The following PDE4D variants were observed in gnomAD, a reference collection of about 807,000 sequenced individuals.
The protein encoded by PDE4D is 3',5'-cyclic-AMP phosphodiesterase 4D.
Under a neutral mutation model 87.4 loss-of-function variants are expected in PDE4D, and 24 were observed. The observed-to-expected ratio is 0.27, with a 90% confidence interval of 0.20 to 0.39. The LOEUF is 0.39. Among genes scored for constraint, PDE4D ranks in the 10% least tolerant of loss-of-function variants. The pLI, the probability that PDE4D is intolerant of heterozygous loss-of-function variation, is 1.00. For synonymous variants in PDE4D, 384 were observed against 383.2 expected, an observed-to-expected ratio of 1.00 and a Z score of -0.02; for missense variants, 714 against 1,041.0, an observed-to-expected ratio of 0.69 and a Z score of 4.32.
intron 1 of PDE4D, among the ~76,000 whole-genome samples, chr5:60,253,784 G>A (rs1431546979): frequency 1.3e-5 from 2 of 151,850 alleles, no homozygotes; most frequent in Non-Finnish European, 2.9e-5. Context: ...GGAGCTAAAT[G>A]TCTTCACAGC....
chr5:59,167,582 T>C (rs1782103535), intron 5 of PDE4D, among the ~76,000 whole-genome samples: 1 of 152,240 alleles, frequency 6.6e-6, no homozygotes, highest in Non-Finnish European at 1.5e-5. Flanking sequence ...TTTCAGTCTC[T>C]AAGCTAACAC....
intron 1 of PDE4D, among the ~76,000 whole-genome samples, chr5:60,218,655 T>C (rs1744143677): frequency 6.6e-6 from 1 of 152,076 alleles, no homozygotes; most frequent in African/African-American, 2.4e-5. Context: ...GACTGTGAAG[T>C]CCACATTTCT....
At chr5:59,615,297 G>A (rs1414207650) in intron 1 of PDE4D, among the ~76,000 whole-genome samples, 1 of 152,288 alleles carries the variant, frequency 6.6e-6, no homozygotes, top group African/African-American at 2.4e-5. Flanking sequence ...ACCCTGGTAT[G>A]TTTGAATTGG....
intron 1 of PDE4D, among the ~76,000 whole-genome samples, chr5:60,190,250 T>C (rs1299597348): frequency 6.6e-6 from 1 of 152,168 alleles, no homozygotes; most frequent in Non-Finnish European, 1.5e-5. Context: ...ATGGGAATGG[T>C]TGAATTATTG....
chr5:60,280,664 T>A (rs1751810872), intron 1 of PDE4D, among the ~76,000 whole-genome samples: 1 of 152,114 alleles, frequency 6.6e-6, no homozygotes, highest in African/African-American at 2.4e-5. Flanking sequence ...GAACAAACCC[T>A]CAGCACCTGA....
rs35943138 is a variant in PDE4D, at chr5:59,931,694, C to CTTT, written c.272+56791_272+56793dup. On this transcript the variant is annotated intron_variant, in intron 3 of 16. Coordinates refer to the PDE4D transcript ENST00000502484. Reference sequence around the variant, plus strand: ...CTATACTGACACTTTTCTTCTTCTTCTTTTTTTTTTTTTTTTTTCTTTTTT... The same window carrying CTTT: ...CTATACTGACACTTTTCTTCTTCTTCTTTTTTTTTTTTTTTTTTTTTCTTTTTT... Among the ~76,000 whole-genome samples, 300 of 126,570 alleles carry CTTT rather than the reference C, an allele frequency of 2.4e-3. 6 individuals are homozygous for CTTT. The highest frequency in any genetic ancestry group is 4.6e-3 in the African/African-American group (156 of 33,974). 83.0% of individuals were successfully genotyped at this position (126,570 alleles called of 152,430 possible). A position where few individuals can be genotyped will look rare whatever the true frequency, so the allele number is the denominator to read the frequency against.
intron 1 of PDE4D, among the ~76,000 whole-genome samples, chr5:60,240,359 G>A (rs74961770): frequency 6.6e-6 from 1 of 152,018 alleles, no homozygotes; most frequent in Non-Finnish European, 1.5e-5. Flanking sequence ...AGCTATGGTG[G>A]GTTAGGGCAA....
chr5:59,527,221 T>G (rs900599034), intron 1 of PDE4D, among the ~76,000 whole-genome samples: 1 of 152,354 alleles, frequency 6.6e-6, no homozygotes, highest in East Asian at 1.9e-4. Context: ...TATAAGCTTA[T>G]ATGTAAATTT....
At chr5:60,519,492 G>A (rs1317452952) in intron 1 of PDE4D, among the ~76,000 whole-genome samples, 1 of 152,232 alleles carries the variant, frequency 6.6e-6, no homozygotes, top group Non-Finnish European at 1.5e-5. Flanking sequence ...CTTTAAATGT[G>A]CTGGTTTGAA....
At chr5:59,539,647 A>T (rs754194902) in intron 1 of PDE4D, among the ~76,000 whole-genome samples, 1 of 152,222 alleles carries the variant, frequency 6.6e-6, no homozygotes, top group Non-Finnish European at 1.5e-5. Flanking sequence ...AAGTTATTCC[A>T]TAAGATATAA....
intron 2 of PDE4D, chr5:60,147,726 A>G (rs1237589317): frequency 2.2e-6 from 1 of 453,392 alleles, no homozygotes; most frequent in Non-Finnish European, 4.4e-6. Flanking sequence ...GGAGCTAGAG[A>G]AGCACTTCTC....
chr5:59,038,905 T>C lies in PDE4D; in HGVS notation c.875A>G (p.Glu292Gly). ...GACGGAGTGCCTGGTCTGTAGGGTC[T>C]CTAGCTGGTCCAGACACCAGTCCAG... ...EELDWCLDQL[E>G]TLQTRHSVSE... The change falls in exon 6 of 15, where the codon GAG (glutamate) becomes GGG (glycine). Residue 292 changes from glutamate to glycine, a missense_variant. Physicochemically the swap from Glu to Gly is moderately conservative, Grantham distance 98. Coordinates refer to ENST00000340635, the MANE Select transcript of PDE4D (RefSeq NM_001104631.2). 6.2e-7 allele frequency: 1 copy of C among 1,604,250 alleles called. No individual in the cohort carries two copies. Among genetic ancestry groups the C allele is most frequent in the Non-Finnish European group, 8.5e-7 (1 of 1,175,314 alleles).
chr5:59,062,549 G>A (rs1763278250), intron 5 of PDE4D, among the ~76,000 whole-genome samples: 1 of 152,030 alleles, frequency 6.6e-6, no homozygotes, highest in Non-Finnish European at 1.5e-5. Flanking sequence ...AATACATCGA[G>A]GAGTTTAGGG....
intron 1 of PDE4D, among the ~76,000 whole-genome samples, chr5:59,859,424 C>T (rs538875763): frequency 4.6e-5 from 7 of 152,292 alleles, no homozygotes; most frequent in Admixed American, 6.5e-5. Context: ...AGTTCTTAGG[C>T]CTCCGACAGA....
chr5:59,768,594 A>G, intron 1 of PDE4D: 2 of 1,562,268 alleles, frequency 1.3e-6, no homozygotes, highest in Non-Finnish European at 1.7e-6. Flanking sequence ...CCAGGGAAGC[A>G]GGTCTGAGCC....
At chr5:59,828,635 T>G (rs895980657) in intron 1 of PDE4D, among the ~76,000 whole-genome samples, 3 of 152,036 alleles carry the variant, frequency 2.0e-5, no homozygotes, top group African/African-American at 4.8e-5. Context: ...CTGGGGGAGC[T>G]GCAGATCAGC....
At chr5:59,960,504 T>C (rs1200077024) in intron 3 of PDE4D, among the ~76,000 whole-genome samples, 1 of 152,154 alleles carries the variant, frequency 6.6e-6, no homozygotes, top group Non-Finnish European at 1.5e-5. Flanking sequence ...ACATATACAC[T>C]GTGGAATACT....
At chr5:58,994,025 A>G (rs1021742771) in intron 6 of PDE4D, among the ~76,000 whole-genome samples, 13 of 152,184 alleles carry the variant, frequency 8.5e-5, no homozygotes, top group Admixed American at 7.9e-4. Flanking sequence ...CTTTTACTCC[A>G]AAGCAAAACT....
At chr5:59,244,660 ATG>A (rs1561797728) in intron 1 of PDE4D, among the ~76,000 whole-genome samples, 36 of 138,080 alleles carry the variant, frequency 2.6e-4, no homozygotes, top group Admixed American at 1.0e-3. Flanking sequence ...GTATAGATAT[ATG>A]TATGTATGTG....
Sources: gnomAD v4.1 joint callset for allele counts (sites outside exome capture counted in the v4.1 genomes callset) on GRCh38, gnomAD v4.1.1 for gene constraint, MANE v1.5 for transcripts, NCBI Gene and HGNC (gene_info 2026-07-23, HGNC 2026-07-21) for gene names.